The following FUT9 variants were observed in gnomAD, a reference collection of about 807,000 sequenced individuals.
FUT9 encodes the protein 4-galactosyl-N-acetylglucosaminide 3-alpha-L-fucosyltransferase 9.
A neutral mutation model predicts 29.7 loss-of-function variants in FUT9; 15 were observed. The ratio of observed to expected loss-of-function variants is 0.51; its 90% CI spans 0.34 to 0.78. FUT9 has a LOEUF of 0.78. Ranked by LOEUF, FUT9 falls within the 30% of genes least tolerant of loss-of-function variation. The pLI is 0.01. For synonymous variants in FUT9, 169 were observed against 153.7 expected (o/e 1.10, Z -0.74); for missense variants, 319 against 425.4 (o/e 0.75, Z 2.20).
chr6:96,156,331 A>T (rs1562145588), intron 2 of FUT9, among the ~76,000 whole-genome samples: 1 of 152,150 alleles, frequency 6.6e-6, no homozygotes, highest in Non-Finnish European at 1.5e-5. Context: ...GAAGGATTTT[A>T]TCTCCTTAGC....
intron 2 of FUT9, among the ~76,000 whole-genome samples, chr6:96,170,576 T>C (rs1319678708): frequency 1.3e-5 from 2 of 148,434 alleles, no homozygotes; most frequent in African/African-American, 2.5e-5. Flanking sequence ...ACACACACAA[T>C]TGAATAGTAA....
intron 1 of FUT9, among the ~76,000 whole-genome samples, chr6:96,086,909 G>C (rs1429498284): frequency 6.6e-6 from 1 of 152,160 alleles, no homozygotes; most frequent in Middle Eastern, 3.2e-3. Flanking sequence ...TGCTGTCACA[G>C]AGAATAGGTT....
chr6:96,095,974 A>G (rs761469034), intron 1 of FUT9, among the ~76,000 whole-genome samples: 2 of 152,164 alleles, frequency 1.3e-5, no homozygotes, highest in Non-Finnish European at 1.5e-5. Flanking sequence ...CCAGCAATAT[A>G]TGTTTTTGCT....
rs550369004 is a variant in FUT9, at chr6:96,083,068, A to G, written c.-97-30971A>G. On this transcript the variant is annotated intron_variant, in intron 1 of 2. Transcript: ENST00000302103. ...CTCCCTATAGTCCATTCTCCTTACT[A>G]TCACACACTGAACATTTTATATTTC... Among the ~76,000 whole-genome samples the G allele has an allele frequency of 2.0e-5, 3 of 152,126 alleles. No homozygotes were observed. The East Asian group carries it at 5.8e-4, about 29-fold the overall frequency.
chr6:96,213,562 C>T lies in FUT9; in HGVS notation c.*9327C>T, dbSNP rs184437939. On this transcript the variant is annotated 3_prime_UTR_variant, in exon 3 of 3. Coordinates refer to ENST00000302103, the MANE Select transcript of FUT9 (RefSeq NM_006581.4). ...ATGCCAAATGTACAGTTTATAGGTT[C>T]GTGTTATTTCTGATAAGAATTTAAT... 3 of 166,814 alleles carry T rather than the reference C, an allele frequency of 1.8e-5. No individual in the cohort carries two copies. The highest frequency in any genetic ancestry group is 1.9e-4 in the East Asian group (1 of 5,176). 10.3% of individuals were successfully genotyped at this position (166,814 alleles called of 1,614,324 possible).
In FUT9 at chr6:96,204,448, T is replaced by C; in HGVS notation, c.*213T>C. 2.9e-6 allele frequency: 1 copy of C among 349,782 alleles called. No individual in the cohort carries two copies. The highest frequency in any genetic ancestry group is 8.3e-4 in the Middle Eastern group (1 of 1,200). The allele number at this position is 349,782 out of a possible 1,614,324, so 21.7% of individuals were successfully genotyped here. Reference sequence around the variant, plus strand: ...AAATTATCCTGTATATACCTAATTATGTGCACTGGAGAGTAATTTATTCTT... The same window carrying C: ...AAATTATCCTGTATATACCTAATTACGTGCACTGGAGAGTAATTTATTCTT... On this transcript the variant is annotated 3_prime_UTR_variant, in exon 3 of 3. Transcript: ENST00000302103.
chr6:96,121,851 T>A (rs962375650), intron 2 of FUT9, among the ~76,000 whole-genome samples: 2 of 75,156 alleles, frequency 2.7e-5, no homozygotes, highest in Non-Finnish European at 6.6e-5. Context: ...TGCCTTAAAA[T>A]AAATCTCTAT....
chr6:96,191,681 C>A (rs542984807), intron 2 of FUT9, among the ~76,000 whole-genome samples: 85 of 152,192 alleles, frequency 5.6e-4, no homozygotes, highest in African/African-American at 1.8e-3. Context: ...ATTCCTTCTG[C>A]AACTATTCCA....
At chr6:96,139,308 G>A (rs1422820241) in intron 2 of FUT9, among the ~76,000 whole-genome samples, 1 of 152,186 alleles carries the variant, frequency 6.6e-6, no homozygotes, top group Non-Finnish European at 1.5e-5. Flanking sequence ...ACTGATGCAA[G>A]AGGTGAGTTC....
At position 96,212,296 on chromosome 6, in the gene FUT9, C is replaced by T. The variant is rs1773952461; in HGVS notation, c.*8061C>T. 2.4e-6 allele frequency: 1 copy of T among 412,548 alleles called. No individual in the cohort carries two copies. Among genetic ancestry groups the T allele is most frequent in the African/African-American group, 2.1e-5 (1 of 48,558 alleles). The allele number at this position is 412,548 out of a possible 1,614,324, so 25.6% of individuals were successfully genotyped here. A position where few individuals can be genotyped will look rare whatever the true frequency, so the allele number is the denominator to read the frequency against. On this transcript the variant is annotated 3_prime_UTR_variant, in exon 3 of 3. Coordinates refer to ENST00000302103, the MANE Select transcript of FUT9 (RefSeq NM_006581.4). Reference sequence around the variant, plus strand: ...GTGAGATTGCCAGAGGATATGAGCTCATCTAGGATGGAATACATGTCTCCA... The same window carrying T: ...GTGAGATTGCCAGAGGATATGAGCTTATCTAGGATGGAATACATGTCTCCA...
At chr6:96,198,440 C>T (rs1773667816) in intron 2 of FUT9, among the ~76,000 whole-genome samples, 1 of 152,128 alleles carries the variant, frequency 6.6e-6, no homozygotes, top group African/African-American at 2.4e-5. Flanking sequence ...CTACAAAGGA[C>T]ATGAACTCAT....
intron 2 of FUT9, among the ~76,000 whole-genome samples, chr6:96,192,238 A>T (rs1773525198): frequency 6.6e-6 from 1 of 152,184 alleles, no homozygotes; most frequent in Admixed American, 6.5e-5. Context: ...AAGGGTATTC[A>T]ATTAGGAAAA....
At chr6:96,073,066 G>A (rs1197794891) in intron 1 of FUT9, among the ~76,000 whole-genome samples, 1 of 152,150 alleles carries the variant, frequency 6.6e-6, no homozygotes, top group Non-Finnish European at 1.5e-5. Context: ...TGCAATGTGA[G>A]CACAGGGAAC....
At chr6:96,127,407 A>T (rs557314028) in intron 2 of FUT9, among the ~76,000 whole-genome samples, 1 of 152,126 alleles carries the variant, frequency 6.6e-6, no homozygotes, top group East Asian at 1.9e-4. Context: ...TCCATGTTGC[A>T]TATGTACCAC....
At chr6:96,149,171 T>A (rs1043149682) in intron 2 of FUT9, among the ~76,000 whole-genome samples, 3 of 5,762 alleles carry the variant, frequency 5.2e-4, no homozygotes, top group Admixed American at 8.1e-3. Context: ...AAAAAAAAAA[T>A]TTTTTTTGAA....
intron 2 of FUT9, among the ~76,000 whole-genome samples, chr6:96,167,545 G>C (rs1773036285): frequency 6.6e-6 from 1 of 152,200 alleles, no homozygotes. Flanking sequence ...CTGTGTGCCA[G>C]AAAATGTCTA....
At chr6:96,198,100 G>A (rs1308114894) in intron 2 of FUT9, among the ~76,000 whole-genome samples, 2 of 150,872 alleles carry the variant, frequency 1.3e-5, no homozygotes, top group Non-Finnish European at 3.0e-5. Flanking sequence ...TCAGTAGAGT[G>A]TTCTTTTTTT....
chr6:96,060,223 G>A (rs1366141597), intron 1 of FUT9, among the ~76,000 whole-genome samples: 1 of 151,906 alleles, frequency 6.6e-6, no homozygotes, highest in African/African-American at 2.4e-5. Flanking sequence ...GCCATCCTTT[G>A]GAAATAAACT....
intron 2 of FUT9, among the ~76,000 whole-genome samples, chr6:96,157,969 A>G (rs1772821895): frequency 6.6e-6 from 1 of 152,174 alleles, no homozygotes; most frequent in Non-Finnish European, 1.5e-5. Context: ...CTATAATTTT[A>G]CTTGTAAATA....
Sources: gnomAD v4.1 joint callset for allele counts (sites outside exome capture counted in the v4.1 genomes callset) on GRCh38, gnomAD v4.1.1 for gene constraint, MANE v1.5 for transcripts, NCBI Gene and HGNC (gene_info 2026-07-23, HGNC 2026-07-21) for gene names.